ADAMTSL2: variants seen among roughly 807,000 people sequenced by gnomAD.
ADAMTSL2 encodes the protein ADAMTS like 2.
ADAMTSL2 carries 55 observed loss-of-function variants against 117.0 expected under a neutral mutation model. The ratio of observed to expected loss-of-function variants is 0.47; its 90% CI spans 0.38 to 0.59. The LOEUF (loss-of-function observed/expected upper bound fraction) is 0.59, where lower values mean the gene tolerates loss of function less well. ADAMTSL2 is among the 20% of genes least tolerant of loss of function. ADAMTSL2 has a pLI of 0.00. For synonymous variants in ADAMTSL2, 572 were observed against 566.4 expected, an observed-to-expected ratio of 1.01 and a Z score of -0.14; for missense variants, 1,182 against 1,354.5, an observed-to-expected ratio of 0.87 and a Z score of 2.00.
chr9:133,550,340 CTCCATTG>C, intron 9 of ADAMTSL2, among the ~76,000 whole-genome samples: 1 of 152,222 alleles, frequency 6.6e-6, no homozygotes, highest in African/African-American at 2.4e-5. Flanking sequence ...TGGCTCCCCG[CTCCATTG>C]CTCCATCAGG....
chr9:133,558,983 AC>A lies in ADAMTSL2; in HGVS notation c.1650-2213del, dbSNP rs1262375620. Among the ~76,000 whole-genome samples, 2 of 152,210 alleles carry A rather than the reference AC, an allele frequency of 1.3e-5. No individual in the cohort carries two copies. Among genetic ancestry groups the A allele is most frequent in the South Asian group, 2.1e-4 (1 of 4,824 alleles). ...CTTAAAATCCAAAGGGTTATTTTGA[AC>A]CGGGCCCGCTCTCTCTTGAGTCAGG... On this transcript the variant is annotated intron_variant, in intron 11 of 18. Coordinates refer to ENST00000651351, the MANE Select transcript of ADAMTSL2 (RefSeq NM_014694.4). This position sits in a 1 kb window ranked among gnomAD's most constrained non-coding sequence, Gnocchi z 4.3.
chr9:133,533,623 C>T (rs114560326), upstream of ADAMTSL2, among the ~76,000 whole-genome samples: 1,368 of 152,302 alleles, frequency 9.0e-3, 28 homozygotes, highest in African/African-American at 0.031. Flanking sequence ...CTTTCCTTCC[C>T]AGCCTTTCTG....
chr9:133,554,650 C>G lies in ADAMTSL2; in HGVS notation c.1233C>G (p.Gly411=). 1 of 1,526,092 alleles carries G rather than the reference C, an allele frequency of 6.6e-7. No homozygotes were observed. The highest frequency in any genetic ancestry group is 1.2e-5 in the South Asian group (1 of 83,022). 94.5% of individuals were successfully genotyped at this position (1,526,092 alleles called of 1,614,324 possible). ...QETNEVCEQA[G]GGACEGPPRG... ...CCAACGAGGTGTGCGAGCAGGCCGG[C>G]GGCGGGGCCTGCGAGGGGCCCCCCA... The change falls in exon 10 of 19, where the codon GGC becomes GGG. Residue 411 remains glycine (G), a synonymous_variant. Coordinates refer to ENST00000651351, the MANE Select transcript of ADAMTSL2 (RefSeq NM_014694.4). The surrounding 1 kb of genome is among the most constrained non-coding windows in gnomAD (Gnocchi z 5.2).
chr9:133,543,470 A>G (rs775524429), intron 7 of ADAMTSL2, among the ~76,000 whole-genome samples: 13 of 152,394 alleles, frequency 8.5e-5, no homozygotes, highest in South Asian at 2.1e-4. Context: ...AAATTGGCCA[A>G]TGCTACAAGT....
intron 1 of ADAMTSL2, among the ~76,000 whole-genome samples, chr9:133,535,479 T>A (rs1342768546): frequency 6.6e-6 from 1 of 152,044 alleles, no homozygotes; most frequent in African/African-American, 2.4e-5. Context: ...GAGTGGCCCC[T>A]GAAAATCTGC....
rs889459957 is a variant in ADAMTSL2 at position 133,561,190 on chromosome 9, G to C, written c.1650-8G>C. 1.4e-5 allele frequency: 22 copies of C among 1,599,636 alleles called. No homozygotes were observed. The highest frequency in any genetic ancestry group is 1.6e-5 in the Non-Finnish European group (19 of 1,173,444). On this transcript the variant is annotated splice_polypyrimidine_tract_variant and splice_region_variant and intron_variant, in intron 11 of 18. Coordinates refer to ENST00000651351, the MANE Select transcript of ADAMTSL2 (RefSeq NM_014694.4). ...CTCATCACCTTCCCTGCTTGGTCTC[G>C]CTTTCAGGACCAGGCCCAAGGCGCG... is the stretch of plus-strand genomic sequence containing the variant.
chr9:133,556,360 G>A (rs909969545), intron 11 of ADAMTSL2, among the ~76,000 whole-genome samples: 42 of 152,322 alleles, frequency 2.8e-4, no homozygotes, highest in Middle Eastern at 3.4e-3. Context: ...AGCTAGCGGT[G>A]TATTCGAGGT....
Position 133,568,317 on chromosome 9 carries a change from A to T in ADAMTSL2, c.1919A>T (p.Glu640Val), listed in dbSNP as rs1367172776. 1.3e-6 allele frequency: 2 copies of T among 1,581,992 alleles called. No homozygotes were observed. The highest frequency in any genetic ancestry group is 1.7e-6 in the Non-Finnish European group (2 of 1,165,068). Residue 640 changes from glutamate (E) to valine (V), a missense_variant, in exon 14 of 19, where the codon GAG becomes GTG. By Grantham distance (121) the Glu-to-Val change is moderately radical. Coordinates refer to ENST00000651351, the MANE Select transcript of ADAMTSL2 (RefSeq NM_014694.4). ...AGCGAGTGTTCGCGCACCTGCGGAG[A>T]GGGCTACCAGTTCCGCGTCGTGCGC... is the stretch of plus-strand genomic sequence containing the variant. The part of the protein sequence containing the change: ...SWSECSRTCG[E>V]GYQFRVVRCW...
rs767474325 is a variant in ADAMTSL2 at position 133,544,457 on chromosome 9, C to T, written c.683-13C>T. On this transcript the variant is annotated splice_polypyrimidine_tract_variant and intron_variant, in intron 7 of 18. Transcript: ENST00000651351. The stretch of plus-strand genomic sequence containing the variant: ...CAATCAAGAGGGGCTCACTGTCATC[C>T]TTTTGCCTCCAGGTTACTCTCTGGT... 2.4e-5 allele frequency: 39 copies of T among 1,610,114 alleles called. No individual in the cohort carries two copies. The highest frequency in any genetic ancestry group is 6.7e-5 in the East Asian group (3 of 44,884).
Position 133,568,469 on chromosome 9 carries a change from A to G in ADAMTSL2, c.2071A>G (p.Met691Val). The change falls in exon 14 of 19, where the codon ATG (methionine) becomes GTG (valine). Residue 691 changes from methionine to valine, a missense_variant. Physicochemically the swap from Met to Val is conservative, Grantham distance 21. Around this residue, in one of 3 missense-constraint regions of ADAMTSL2, gnomAD observed 465 missense variants for 565.3 expected, o/e 0.82. Transcript: ENST00000651351. ...RNPACGPQWE[M>V]SEWSECTAKC... ...CCCCGCCTGCGGGCCCCAGTGGGAG[A>G]TGTCGGAGTGGTCCGAGGTGAGTGC... 6.2e-7 allele frequency: 1 copy of G among 1,605,742 alleles called. No individual in the cohort carries two copies. The highest frequency in any genetic ancestry group is 8.5e-7 in the Non-Finnish European group (1 of 1,177,044).
At position 133,538,405 on chromosome 9, in the gene ADAMTSL2, A is replaced by G; in HGVS notation, c.290A>G (p.Tyr97Cys). 6.2e-7 allele frequency: 1 copy of G among 1,613,216 alleles called. No individual in the cohort carries two copies. Among genetic ancestry groups the G allele is most frequent in the Non-Finnish European group, 8.5e-7 (1 of 1,180,004 alleles). ...NRTCTGTSKR[Y>C]QLCRVQECPP... is the part of the protein sequence containing the mutation. ...ACCTGCACGGGCACGTCCAAGCGGT[A>G]CCAGCTCTGCAGAGTGCAGGTGAGG... Residue 97 changes from tyrosine to cysteine, a missense_variant, in exon 4 of 19, where the codon TAC (tyrosine) becomes TGC (cysteine). Coordinates refer to ENST00000651351, the MANE Select transcript of ADAMTSL2 (RefSeq NM_014694.4).
At chr9:133,549,180 A>AT (rs1830425972) in intron 9 of ADAMTSL2, among the ~76,000 whole-genome samples, 1 of 34,422 alleles carries the variant, frequency 2.9e-5, no homozygotes, top group South Asian at 6.1e-4. Context: ...TTTTTTTTGT[A>AT]TTTTTAGTAG....
rs1413044238 is a variant in ADAMTSL2, at chr9:133,561,236, C to T, written c.1688C>T (p.Ala563Val). ...PKARKQGVSP[A>V]DMYRWKLSSH... ...GCGCGCAAGCAAGGCGTGAGTCCCGCGGACATGTACCGGTGGAAGCTCTCG... is the reference window on the plus strand; with the variant it reads ...GCGCGCAAGCAAGGCGTGAGTCCCGTGGACATGTACCGGTGGAAGCTCTCG... Residue 563 changes from alanine (A) to valine (V), a missense_variant, in exon 12 of 19, where the codon GCG becomes GTG. This residue lies in a region of ADAMTSL2 where 345 missense variants were observed against 325.8 expected (regional missense o/e 1.06). Coordinates refer to ENST00000651351, the MANE Select transcript of ADAMTSL2 (RefSeq NM_014694.4). 1.1e-5 allele frequency: 18 copies of T among 1,608,426 alleles called. No individual in the cohort carries two copies. Among genetic ancestry groups the T allele is most frequent in the East Asian group, 2.2e-5 (1 of 44,784 alleles).
In ADAMTSL2 at chr9:133,568,442, A is replaced by C; in HGVS notation, c.2044A>C (p.Asn682His). 4 of 1,608,650 alleles carry C rather than the reference A, an allele frequency of 2.5e-6. No homozygotes were observed. The highest frequency in any genetic ancestry group is 8.5e-7 in the Non-Finnish European group (1 of 1,178,382). ...VRPEERKTCR[N>H]PACGPQWEMS... is the part of the protein sequence containing the mutation. ...GCCCGAGGAACGCAAGACCTGCCGG[A>C]ACCCCGCCTGCGGGCCCCAGTGGGA... Residue 682 changes from asparagine (N) to histidine (H), a missense_variant, in exon 14 of 19, where the codon AAC becomes CAC. By Grantham distance (68) the Asn-to-His change is moderately conservative. Around this residue, in one of 3 missense-constraint regions of ADAMTSL2, gnomAD observed 465 missense variants for 565.3 expected, o/e 0.82. Transcript: ENST00000651351.
chr9:133,553,787 G>A (rs1830542342), intron 9 of ADAMTSL2, among the ~76,000 whole-genome samples: 1 of 152,212 alleles, frequency 6.6e-6, no homozygotes, highest in Non-Finnish European at 1.5e-5. Context: ...GGTCTGTGGA[G>A]GGAGAAGCCG....
In ADAMTSL2 at chr9:133,537,420, T is replaced by C; in HGVS notation, c.106T>C (p.Ser36Pro). 7.5e-7 allele frequency: 1 copy of C among 1,341,120 alleles called. No homozygotes were observed. Among genetic ancestry groups the C allele is most frequent in the Non-Finnish European group, 9.6e-7 (1 of 1,037,274 alleles). The allele number at this position is 1,341,120 out of a possible 1,614,324, so 83.1% of individuals were successfully genotyped here. Residue 36 changes from serine to proline, a missense_variant, in exon 3 of 19, where the codon TCC (serine) becomes CCC (proline). This residue lies in a region of ADAMTSL2 where 372 missense variants were observed against 463.4 expected (regional missense o/e 0.80). Coordinates refer to ENST00000651351, the MANE Select transcript of ADAMTSL2 (RefSeq NM_014694.4). The stretch of plus-strand genomic sequence containing the variant: ...TCTCACCCAGGACAACAGCCCAACA[T>C]CCAATAGCCTGGAGGGGGGCACCGA... ...STGSTDNSPT[S>P]NSLEGGTDAT... is the part of the protein sequence containing the mutation.
At chr9:133,539,686 G>GTCCCGGCTGTCCCGGCTA in intron 4 of ADAMTSL2, 85 bp from the exon 5 acceptor site, 2 of 1,305,758 alleles carry the variant, frequency 1.5e-6, no homozygotes, top group Non-Finnish European at 2.1e-6. Context: ...TGTCCCGGCT[G>GTCCCGGCTGTCCCGGCTA]CAGCCACTTC....
Position 133,555,739 on chromosome 9 carries a change from C to T in ADAMTSL2, c.1458C>T (p.Ala486=). ...ETVNSIFAQG[A]PRSSLAESFF... Reference sequence around the variant, plus strand: ...TGAACAGCATCTTTGCACAGGGCGCCCCAAGGAGCTCCCTGGCCGAGAGCT... The same window carrying T: ...TGAACAGCATCTTTGCACAGGGCGCTCCAAGGAGCTCCCTGGCCGAGAGCT... Residue 486 remains alanine, a synonymous_variant, in exon 11 of 19, where the codon GCC becomes GCT. Transcript: ENST00000651351. 1.1e-5 allele frequency: 18 copies of T among 1,614,032 alleles called. No individual in the cohort carries two copies. The highest frequency in any genetic ancestry group is 1.4e-5 in the Non-Finnish European group (17 of 1,180,042).
chr9:133,556,204 G>C (rs867095596), intron 11 of ADAMTSL2, among the ~76,000 whole-genome samples: 4 of 152,242 alleles, frequency 2.6e-5, no homozygotes, highest in South Asian at 2.1e-4. Flanking sequence ...GCAGCTGATG[G>C]GGGGAAGGGA....
Sources: allele counts gnomAD v4.1 joint callset (sites outside exome capture counted in the v4.1 genomes callset), GRCh38; gene constraint gnomAD v4.1.1; regional missense constraint gnomAD v4.1.1; non-coding constraint Gnocchi (gnomAD v3.1); transcripts MANE v1.5; gene names NCBI Gene and HGNC (gene_info 2026-07-23, HGNC 2026-07-21).